The following GRAMD1B variants were observed in gnomAD, a reference collection of about 807,000 sequenced individuals.
GRAMD1B encodes the protein protein Aster-B.
GRAMD1B carries 37 observed loss-of-function variants against 99.7 expected under a neutral mutation model. That is an observed-to-expected ratio of 0.37 (90% CI 0.29 to 0.49). The LOEUF is 0.49. Ranked by LOEUF, GRAMD1B falls within the 20% of genes least tolerant of loss-of-function variation. The probability of loss-of-function intolerance (pLI) is 0.98; values close to 1 mark genes in which losing one functional copy is unlikely to be tolerated. For missense variants in GRAMD1B, 888 were observed against 1,009.2 expected (o/e 0.88, Z 1.63); for synonymous variants, 427 against 387.6 (o/e 1.10, Z -1.19).
intron 1 of GRAMD1B, among the ~76,000 whole-genome samples, chr11:123,394,215 G>T (rs1229915452): frequency 6.6e-6 from 1 of 152,140 alleles, no homozygotes; most frequent in Non-Finnish European, 1.5e-5. Flanking sequence ...TCTTTTGCCT[G>T]CTATTAAAAA....
intron 2 of GRAMD1B, among the ~76,000 whole-genome samples, chr11:123,564,713 G>A (rs1947157611): frequency 6.6e-6 from 1 of 152,204 alleles, no homozygotes; most frequent in Non-Finnish European, 1.5e-5. Flanking sequence ...GATGGATCCT[G>A]CAGGAATTCC....
chr11:123,371,406 G>C (rs896724021), intron 1 of GRAMD1B, among the ~76,000 whole-genome samples: 1 of 152,038 alleles, frequency 6.6e-6, no homozygotes, highest in African/African-American at 2.4e-5. Flanking sequence ...TTTCTACCTT[G>C]GACTTTTGAA....
At chr11:123,607,414 G>T (rs1952886725) in intron 11 of GRAMD1B, among the ~76,000 whole-genome samples, 1 of 152,194 alleles carries the variant, frequency 6.6e-6, no homozygotes, top group Admixed American at 6.5e-5. Flanking sequence ...TCAATTGATG[G>T]ATTTCCTCCA....
At chr11:123,617,296 G>A (rs796074611) in intron 17 of GRAMD1B, among the ~76,000 whole-genome samples, 2 of 151,184 alleles carry the variant, frequency 1.3e-5, no homozygotes, top group South Asian at 4.2e-4. Flanking sequence ...CAATCCTCCT[G>A]CCTCAGCTTC....
In GRAMD1B at chr11:123,533,492, T is replaced by A. The variant is rs141439416; in HGVS notation, c.453-43875T>A. Among the ~76,000 whole-genome samples, 1,139 of 152,192 alleles carry A rather than the reference T, an allele frequency of 7.5e-3. 14 individuals are homozygous for A. The highest frequency in any genetic ancestry group is 0.026 in the African/African-American group (1,093 of 41,516). On this transcript the variant is annotated intron_variant, in intron 2 of 19. Transcript: ENST00000635736. The stretch of plus-strand genomic sequence containing the variant: ...CCTAGGCTAGAGTGCAATGGGGCAA[T>A]CTCAGCTCACTGTAACCTCTGCCTC...
chr11:123,531,651 T>C (rs942832400), intron 2 of GRAMD1B, among the ~76,000 whole-genome samples: 1 of 151,992 alleles, frequency 6.6e-6, no homozygotes, highest in African/African-American at 2.4e-5. Context: ...TCTTGCTGAA[T>C]TCTTCGGAAG....
At chr11:123,498,048 C>T (rs1406929691) in intron 2 of GRAMD1B, among the ~76,000 whole-genome samples, 1 of 152,176 alleles carries the variant, frequency 6.6e-6, no homozygotes, top group African/African-American at 2.4e-5. Flanking sequence ...TGCCAGGCCA[C>T]TGCTGATGTT....
intron 1 of GRAMD1B, among the ~76,000 whole-genome samples, chr11:123,372,725 AT>A (rs1281388101): frequency 3.9e-5 from 6 of 152,136 alleles, no homozygotes; most frequent in African/African-American, 1.4e-4. Flanking sequence ...GAGCAGGTAA[AT>A]TTTGTTTTAC....
At chr11:123,378,583 A>G (rs1321886474) in intron 1 of GRAMD1B, among the ~76,000 whole-genome samples, 1 of 152,234 alleles carries the variant, frequency 6.6e-6, no homozygotes, top group East Asian at 1.9e-4. Context: ...TTCTTTGATT[A>G]CTATTTATTG....
intron 1 of GRAMD1B, among the ~76,000 whole-genome samples, chr11:123,374,479 T>A (rs571804589): frequency 8.5e-4 from 130 of 152,220 alleles, no homozygotes; most frequent in Non-Finnish European, 1.5e-3. Flanking sequence ...ACAGACTTAC[T>A]ATCTTTGGAA....
At chr11:123,548,325 T>TATATACATAC (rs1555067740) in intron 2 of GRAMD1B, among the ~76,000 whole-genome samples, 1 of 86,842 alleles carries the variant, frequency 1.2e-5, no homozygotes, top group African/African-American at 5.1e-5. Context: ...TATATATATA[T>TATATACATAC]ACACACACAC....
chr11:123,567,963 C>T (rs547927451), intron 2 of GRAMD1B, among the ~76,000 whole-genome samples: 1 of 152,342 alleles, frequency 6.6e-6, no homozygotes, highest in South Asian at 2.1e-4. Flanking sequence ...AGTCAGTGCT[C>T]AGACTTTCCC....
chr11:123,468,697 C>T (rs931618837), intron 1 of GRAMD1B, among the ~76,000 whole-genome samples: 2 of 149,584 alleles, frequency 1.3e-5, no homozygotes, highest in Admixed American at 1.3e-4. Flanking sequence ...CTCAGGAGGC[C>T]GAGGTGGGAG....
At chr11:123,560,069 C>CCG (rs1946551397) in intron 2 of GRAMD1B, among the ~76,000 whole-genome samples, 3 of 148,714 alleles carry the variant, frequency 2.0e-5, no homozygotes, top group Non-Finnish European at 4.4e-5. Flanking sequence ...GAAATAACCC[C>CCG]CCCCCCCGCA....
chr11:123,584,258 C>A (rs1391377172), intron 3 of GRAMD1B, 54 bp from the exon 4 acceptor site: 3 of 832,908 alleles, frequency 3.6e-6, no homozygotes, highest in South Asian at 1.4e-5. Context: ...CCTGGCCCTT[C>A]CCCCCATTTC....
At position 123,492,040 on chromosome 11, in the gene GRAMD1B, C is replaced by G. The variant is rs1367214751; in HGVS notation, c.452+11147C>G. ...GTTTGGAGATATTGTAGGTCCCTGC[C>G]CAAGAGGGACACTCGGTGATCCATT... On this transcript the variant is annotated intron_variant, in intron 2 of 19. Transcript: ENST00000635736. This position sits in a 1 kb window ranked among gnomAD's most constrained non-coding sequence, Gnocchi z 4.2. 4 of 397,316 alleles carry G rather than the reference C, an allele frequency of 1.0e-5. No homozygotes were observed. The highest frequency in any genetic ancestry group is 1.8e-5 in the Non-Finnish European group (4 of 225,316). 24.6% of individuals were successfully genotyped at this position (397,316 alleles called of 1,614,324 possible).
chr11:123,440,465 C>T (rs142949776), intron 1 of GRAMD1B, among the ~76,000 whole-genome samples: 178 of 152,166 alleles, frequency 1.2e-3, no homozygotes, highest in African/African-American at 4.0e-3. Flanking sequence ...CCCAAGATAG[C>T]GCCACTGCAC....
At chr11:123,404,385 G>A (rs1403766234) in intron 1 of GRAMD1B, among the ~76,000 whole-genome samples, 1 of 152,182 alleles carries the variant, frequency 6.6e-6, no homozygotes, top group Non-Finnish European at 1.5e-5. Flanking sequence ...TATTGTGGTC[G>A]ATATGGGAAA....
chr11:123,608,542 T>G (rs1338298695), intron 11 of GRAMD1B, 117 bp from the exon 12 acceptor site: 1 of 1,545,182 alleles, frequency 6.5e-7, no homozygotes, highest in African/African-American at 1.4e-5. Flanking sequence ...GTCCTCTCCA[T>G]ACCCTTGTTG....
Sources: allele counts gnomAD v4.1 joint callset (sites outside exome capture counted in the v4.1 genomes callset), GRCh38; gene constraint gnomAD v4.1.1; non-coding constraint Gnocchi (gnomAD v3.1); transcripts MANE v1.5; gene names NCBI Gene and HGNC (gene_info 2026-07-23, HGNC 2026-07-21).